The following RTKN2 variants were observed in gnomAD, a reference collection of about 807,000 sequenced individuals.
RTKN2 encodes the protein rhotekin 2, also known as rhotekin-2.
In RTKN2, 69 loss-of-function variants were observed where a neutral mutation model predicts 71.5. The observed-to-expected ratio is 0.96, with a 90% CI of 0.79 to 1.18. The LOEUF (loss-of-function observed/expected upper bound fraction) is 1.18, where lower values mean the gene tolerates loss of function less well. Ranked by LOEUF, RTKN2 falls within the 50% of genes most tolerant of loss-of-function variation. The pLI is 0.00. For missense variants in RTKN2, 724 were observed against 719.7 expected (o/e 1.01, Z -0.07); for synonymous variants, 236 against 236.5 (o/e 1.00, Z 0.02).
intron 3 of RTKN2, among the ~76,000 whole-genome samples, chr10:62,241,564 C>G (rs544710242): frequency 1.3e-5 from 2 of 152,154 alleles, no homozygotes; most frequent in Non-Finnish European, 2.9e-5. Context: ...TAGCTAAATA[C>G]CAACACCATA....
intron 10 of RTKN2, 73 bp from the exon 11 acceptor site, chr10:62,199,934 T>G (rs1247917018): frequency 1.1e-6 from 1 of 934,492 alleles, no homozygotes; most frequent in Non-Finnish European, 1.7e-6. Flanking sequence ...TTTTAATAGA[T>G]AGCAATACAT....
chr10:62,235,350 C>A (rs531521868), intron 6 of RTKN2, among the ~76,000 whole-genome samples: 1 of 151,930 alleles, frequency 6.6e-6, no homozygotes, highest in Non-Finnish European at 1.5e-5. Context: ...AAAATATTTT[C>A]TATAAGAATA....
downstream of RTKN2, among the ~76,000 whole-genome samples, chr10:62,188,491 G>T (rs537919089): frequency 6.6e-6 from 1 of 152,158 alleles, no homozygotes; most frequent in African/African-American, 2.4e-5. Context: ...GGAGAACTAA[G>T]CTCCACCTTT....
At chr10:62,253,012 T>C (rs1842610735) in intron 2 of RTKN2, among the ~76,000 whole-genome samples, 2 of 152,134 alleles carry the variant, frequency 1.3e-5, no homozygotes. Context: ...ACCAGATATA[T>C]CAGTTATATC....
chr10:62,220,989 T>C (rs1375582716), intron 7 of RTKN2, among the ~76,000 whole-genome samples: 1 of 151,678 alleles, frequency 6.6e-6, no homozygotes, highest in Non-Finnish European at 1.5e-5. Flanking sequence ...GAACAAGAAG[T>C]CTGATATCAG....
intron 8 of RTKN2, among the ~76,000 whole-genome samples, chr10:62,217,541 G>C (rs1345972826): frequency 6.6e-6 from 1 of 152,140 alleles, no homozygotes; most frequent in Non-Finnish European, 1.5e-5. Flanking sequence ...AGAAAAGCTA[G>C]TCGATTAAAA....
At chr10:62,258,488 TG>T (rs532868855) in intron 2 of RTKN2, among the ~76,000 whole-genome samples, 113 of 152,332 alleles carry the variant, frequency 7.4e-4, no homozygotes, top group Middle Eastern at 3.4e-3. Context: ...CTTCTTTATA[TG>T]ATCATTTCTA....
intron 8 of RTKN2, 71 bp downstream of exon 8, chr10:62,218,124 G>A: frequency 1.1e-6 from 1 of 947,438 alleles, no homozygotes; most frequent in East Asian, 2.4e-5. Context: ...ATCAGAAGGT[G>A]AAACAACTGC....
intron 7 of RTKN2, among the ~76,000 whole-genome samples, chr10:62,219,364 GA>G (rs1352668703): frequency 6.6e-6 from 1 of 152,152 alleles, no homozygotes; most frequent in Non-Finnish European, 1.5e-5. Context: ...CCCAATGAAT[GA>G]AGAAGTAGCC....
chr10:62,240,866 T>C lies in RTKN2; in HGVS notation c.370+276A>G, dbSNP rs575806036. Among the ~76,000 whole-genome samples, 280 of 152,314 alleles carry C rather than the reference T, an allele frequency of 1.8e-3. 2 individuals carry two copies. Among genetic ancestry groups the C allele is most frequent in the South Asian group, 3.1e-3 (15 of 4,830 alleles). On this transcript the variant is annotated intron_variant, in intron 4 of 11. Coordinates refer to ENST00000373789, the MANE Select transcript of RTKN2 (RefSeq NM_145307.4). ...TCGCTAAACATTTTCTTTTGTTCCA[T>C]ATTTCCCTTCCCCCGTTCCCACTCT...
intron 1 of RTKN2, among the ~76,000 whole-genome samples, chr10:62,267,043 T>C (rs1046319233): frequency 6.6e-6 from 1 of 152,190 alleles, no homozygotes; most frequent in African/African-American, 2.4e-5. Flanking sequence ...CATTCATGTA[T>C]CAAAGGAAAT....
intron 2 of RTKN2, among the ~76,000 whole-genome samples, chr10:62,255,836 T>C (rs933877498): frequency 3.9e-4 from 60 of 152,286 alleles, no homozygotes; most frequent in African/African-American, 1.4e-3. Flanking sequence ...ATTGGGAGCA[T>C]ATAATGGTCC....
At position 62,194,131 on chromosome 10, in the gene RTKN2, T is replaced by C. The variant is rs897940056; in HGVS notation, c.*3777A>G. ...TTTTAATCCAAAAGTCTGACCCATA[T>C]TAAAAAATAAAAATTATAAACAAAG... On this transcript the variant is annotated 3_prime_UTR_variant, in exon 12 of 12. Coordinates refer to ENST00000373789, the MANE Select transcript of RTKN2 (RefSeq NM_145307.4). 2.0e-6 allele frequency: 2 copies of C among 977,946 alleles called. No individual in the cohort carries two copies. Among genetic ancestry groups the C allele is most frequent in the African/African-American group, 3.5e-5 (2 of 57,082 alleles). The allele number at this position is 977,946 out of a possible 1,614,324, so 60.6% of individuals were successfully genotyped here.
intron 2 of RTKN2, among the ~76,000 whole-genome samples, chr10:62,260,534 ATG>A (rs3080116): frequency 0.56 from 84,085 of 150,866 alleles, 23,899 homozygotes; most frequent in East Asian, 0.89. Context: ...GAACAAATAT[ATG>A]TGTGTGTGTG....
rs1841328139 is a variant in RTKN2, at chr10:62,196,205, A to G, written c.*1703T>C. On this transcript the variant is annotated 3_prime_UTR_variant, in exon 12 of 12. Transcript: ENST00000373789. ...AAATTCAAACAATAATATCCTTTAGATTTTTAATGTCATTTATTGAAATGG... is the reference window on the plus strand; with the variant it reads ...AAATTCAAACAATAATATCCTTTAGGTTTTTAATGTCATTTATTGAAATGG... 1.0e-6 allele frequency: 1 copy of G among 974,982 alleles called. No individual in the cohort carries two copies. The highest frequency in any genetic ancestry group is 1.8e-5 in the African/African-American group (1 of 56,998). 60.4% of individuals were successfully genotyped at this position (974,982 alleles called of 1,614,324 possible). A position where few individuals can be genotyped will look rare whatever the true frequency, so the allele number is the denominator to read the frequency against.
chr10:62,196,530 A>C lies in RTKN2; in HGVS notation c.*1378T>G, dbSNP rs1438433802. 1 of 985,390 alleles carries C rather than the reference A, an allele frequency of 1.0e-6. No individual in the cohort carries two copies. The highest frequency in any genetic ancestry group is 1.2e-6 in the Non-Finnish European group (1 of 829,880). 61.0% of individuals were successfully genotyped at this position (985,390 alleles called of 1,614,324 possible). ...CTGAAAATAATGAAAGGCTCCATTT[A>C]AATTAATGTGGTTTTTTGGTCAAGT... On this transcript the variant is annotated 3_prime_UTR_variant, in exon 12 of 12. Transcript: ENST00000373789.
chr10:62,218,892 C>A (rs10740067), intron 7 of RTKN2, among the ~76,000 whole-genome samples: 111,427 of 151,990 alleles, frequency 0.73, 41,115 homozygotes, highest in East Asian at 0.9. Context: ...AGGCTGAGGC[C>A]GAAGAATCGC....
Position 62,223,274 on chromosome 10 carries a change from T to C in RTKN2, c.745A>G (p.Ser249Gly), listed in dbSNP as rs757801143. ...ATAGACAGATTATGGGTCTTGAAAC[T>C]ATCCTCAGCACTTTCCAAGGTTAGG... is the stretch of plus-strand genomic sequence containing the variant. The part of the protein sequence containing the change: ...TTLTLESAED[S>G]FKTHNLSING... Residue 249 changes from serine to glycine, a missense_variant, in exon 7 of 12, where the codon AGT becomes GGT. By Grantham distance (56) the Ser-to-Gly change is moderately conservative (BLOSUM62 0). Transcript: ENST00000373789. 34 of 1,610,568 alleles carry C rather than the reference T, an allele frequency of 2.1e-5. No individual in the cohort carries two copies. Among genetic ancestry groups the C allele is most frequent in the Non-Finnish European group, 2.8e-5 (33 of 1,176,952 alleles).
At chr10:62,188,012 T>G (rs1841163560) in intron 8 of RTKN2, among the ~76,000 whole-genome samples, 1 of 152,228 alleles carries the variant, frequency 6.6e-6, no homozygotes, top group Non-Finnish European at 1.5e-5. Context: ...CATATACAAA[T>G]GAAACAGTTT....
Sources: allele counts gnomAD v4.1 joint callset (sites outside exome capture counted in the v4.1 genomes callset), GRCh38; gene constraint gnomAD v4.1.1; transcripts MANE v1.5; gene names NCBI Gene and HGNC (gene_info 2026-07-23, HGNC 2026-07-21).